Variants in RNF150 observed in about 807,000 individuals in gnomAD.
The protein encoded by RNF150 is ring finger protein 150.
In RNF150, 24 loss-of-function variants were observed where a neutral mutation model predicts 39.3. The observed-to-expected ratio is 0.61, with a 90% CI of 0.44 to 0.86. The LOEUF (loss-of-function observed/expected upper bound fraction) is 0.86. Ranked by LOEUF, RNF150 falls within the 40% of genes least tolerant of loss-of-function variation. The probability of loss-of-function intolerance (pLI) is 0.00; values close to 1 mark genes in which losing one functional copy is unlikely to be tolerated. For missense variants in RNF150, 502 were observed against 587.8 expected (o/e 0.85, Z 1.51); for synonymous variants, 255 against 227.3 (o/e 1.12, Z -1.10).
intron 1 of RNF150, among the ~76,000 whole-genome samples, chr4:141,162,573 G>A (rs1486487005): frequency 6.6e-6 from 1 of 152,084 alleles, no homozygotes; most frequent in Non-Finnish European, 1.5e-5. Flanking sequence ...AATGCAGAAT[G>A]TGGGTGATTT....
upstream of RNF150, among the ~76,000 whole-genome samples, chr4:141,134,220 C>T (rs1726985505): frequency 6.6e-6 from 1 of 152,152 alleles, no homozygotes; most frequent in South Asian, 2.1e-4. Flanking sequence ...AGTGCGCTCT[C>T]CAACTGTGCA....
At chr4:140,931,605 G>T (rs1483237644) in intron 4 of RNF150, among the ~76,000 whole-genome samples, 1 of 152,148 alleles carries the variant, frequency 6.6e-6, no homozygotes, top group Admixed American at 6.5e-5. Flanking sequence ...GGATAGCAGT[G>T]AATCTTCCCA....
chr4:140,935,274 G>A (rs1009932354), intron 4 of RNF150, among the ~76,000 whole-genome samples: 4 of 151,224 alleles, frequency 2.6e-5, no homozygotes, highest in Non-Finnish European at 5.9e-5. Flanking sequence ...TTTTACTTTG[G>A]GAATGCAAGC....
intron 1 of RNF150, among the ~76,000 whole-genome samples, chr4:140,974,700 T>G (rs1265582312): frequency 6.6e-6 from 1 of 152,168 alleles, no homozygotes; most frequent in Non-Finnish European, 1.5e-5. Context: ...TCCTGAGAGG[T>G]GTACAAAGGT....
At chr4:140,968,792 G>C (rs1036574565) in intron 1 of RNF150, among the ~76,000 whole-genome samples, 1 of 151,400 alleles carries the variant, frequency 6.6e-6, no homozygotes. Context: ...AGGAGTTCTG[G>C]GGCCCCTACA....
chr4:140,952,632 C>T (rs745693379), intron 2 of RNF150, among the ~76,000 whole-genome samples: 2 of 152,052 alleles, frequency 1.3e-5, no homozygotes, highest in African/African-American at 4.8e-5. Flanking sequence ...AGCAAACTGA[C>T]GTTAAGGTGA....
intron 5 of RNF150, 35 bp from the exon 6 acceptor site, chr4:140,911,389 T>C (rs1427282499): frequency 1.3e-6 from 2 of 1,565,362 alleles, no homozygotes; most frequent in African/African-American, 1.4e-5. Context: ...TCTCAGTACA[T>C]GTCATCCACT....
At chr4:141,041,986 T>C (rs1176245974) in intron 1 of RNF150, among the ~76,000 whole-genome samples, 2 of 152,068 alleles carry the variant, frequency 1.3e-5, no homozygotes, top group South Asian at 2.1e-4. Context: ...TAAGGAATTA[T>C]ATAATCACAG....
chr4:141,114,587 G>T (rs990834570), intron 1 of RNF150, among the ~76,000 whole-genome samples: 1 of 152,076 alleles, frequency 6.6e-6, no homozygotes, highest in East Asian at 1.9e-4. Context: ...ACCAAGAGCC[G>T]GTACCATTCC....
At chr4:141,096,186 CTTTCTTTT>C (rs1738769247) in intron 1 of RNF150, among the ~76,000 whole-genome samples, 1 of 70,872 alleles carries the variant, frequency 1.4e-5, no homozygotes, top group Non-Finnish European at 2.6e-5. Flanking sequence ...GAGTTTTTAG[CTTTCTTTT>C]TTTTTTTTTT....
rs370423419 is a variant in RNF150 at position 140,860,913 on chromosome 4, C to T, written c.*7348G>A. 1.3e-5 allele frequency: 2 copies of T among 152,168 alleles called. No homozygotes were observed. Among genetic ancestry groups the T allele is most frequent in the East Asian group, 3.9e-4 (2 of 5,172 alleles). The allele number at this position is 152,168 out of a possible 1,614,324, so 9.4% of individuals were successfully genotyped here. The stretch of plus-strand genomic sequence containing the variant: ...CCCTGGAAACCAGAATAATCATCCT[C>T]CCAGCTCATGAACATTTTAAAGAAC... On this transcript the variant is annotated 3_prime_UTR_variant, in exon 7 of 7. Coordinates refer to ENST00000515673, the MANE Select transcript of RNF150 (RefSeq NM_020724.2).
intron 1 of RNF150, among the ~76,000 whole-genome samples, chr4:141,093,599 C>G (rs1364935273): frequency 6.6e-6 from 1 of 152,094 alleles, no homozygotes; most frequent in Non-Finnish European, 1.5e-5. Context: ...TGGGGTAACC[C>G]ATAACACCTC....
intron 1 of RNF150, among the ~76,000 whole-genome samples, chr4:141,050,490 T>A (rs1051146653): frequency 6.6e-6 from 1 of 152,146 alleles, no homozygotes; most frequent in African/African-American, 2.4e-5. Flanking sequence ...TCAAAAGCAA[T>A]TTAGCTATTT....
chr4:140,947,846 C>A, intron 3 of RNF150, 110 bp from the exon 4 acceptor site: 1 of 635,036 alleles, frequency 1.6e-6, no homozygotes, highest in Non-Finnish European at 2.7e-6. Flanking sequence ...TTCCGCTGTG[C>A]TGGTGCCAGT....
rs1240432372 is a variant in RNF150 at position 140,859,982 on chromosome 4, T to C, written c.*8279A>G. 1 of 152,176 alleles carries C rather than the reference T, an allele frequency of 6.6e-6. No homozygotes were observed. The highest frequency in any genetic ancestry group is 6.5e-5 in the Admixed American group (1 of 15,274). The allele number at this position is 152,176 out of a possible 1,614,324, so 9.4% of individuals were successfully genotyped here. On this transcript the variant is annotated 3_prime_UTR_variant, in exon 7 of 7. Coordinates refer to ENST00000515673, the MANE Select transcript of RNF150 (RefSeq NM_020724.2). ...GTCTTCTATATAACAAAAATAACCA[T>C]GTTGTAATGACTGTTTCCAACTATC...
At chr4:141,011,505 T>G (rs745544834) in intron 1 of RNF150, among the ~76,000 whole-genome samples, 1 of 152,250 alleles carries the variant, frequency 6.6e-6, no homozygotes, top group Non-Finnish European at 1.5e-5. Context: ...TATACCACCC[T>G]ATATAGCTCC....
intron 1 of RNF150, among the ~76,000 whole-genome samples, chr4:141,180,881 C>T (rs1037231860): frequency 2.0e-5 from 3 of 152,134 alleles, no homozygotes; most frequent in African/African-American, 4.8e-5. Flanking sequence ...TAGATGTTTA[C>T]ACCAGGTTAC....
chr4:141,076,798 A>G (rs1334566394), intron 1 of RNF150, among the ~76,000 whole-genome samples: 1 of 152,114 alleles, frequency 6.6e-6, no homozygotes. Context: ...TAAATACTAA[A>G]TAGTTTAGTT....
chr4:141,184,063 G>T (rs1263381582), intron 1 of RNF150, among the ~76,000 whole-genome samples: 1 of 152,086 alleles, frequency 6.6e-6, no homozygotes, highest in African/African-American at 2.4e-5. Flanking sequence ...TCTGATTCTA[G>T]GTCCTTAAGG....
Sources: allele counts gnomAD v4.1 joint callset (sites outside exome capture counted in the v4.1 genomes callset), GRCh38; gene constraint gnomAD v4.1.1; transcripts MANE v1.5; gene names NCBI Gene and HGNC (gene_info 2026-07-23, HGNC 2026-07-21).